NMNAT2: variants seen among roughly 807,000 people sequenced by gnomAD.
The protein encoded by NMNAT2 is nicotinamide/nicotinic acid mononucleotide adenylyltransferase 2.
In NMNAT2, 11 loss-of-function variants were observed where a neutral mutation model predicts 41.6. That is an observed-to-expected ratio of 0.26 (90% CI 0.17 to 0.44). The LOEUF is 0.44. NMNAT2 is among the 20% of genes least tolerant of loss of function. The pLI is 1.00. For synonymous variants in NMNAT2, 148 were observed against 151.2 expected (o/e 0.98, Z 0.16); for missense variants, 288 against 407.7 (o/e 0.71, Z 2.53).
intron 1 of NMNAT2, among the ~76,000 whole-genome samples, chr1:183,411,954 G>T (rs1258731482): frequency 6.6e-6 from 1 of 152,128 alleles, no homozygotes; most frequent in Non-Finnish European, 1.5e-5. Flanking sequence ...TGGGCTAGGT[G>T]GGGAAGGGCA....
rs2301876 is a variant in NMNAT2, at chr1:183,292,871, G to C, written c.175-14C>G. The C allele has an allele frequency of 0.025, 40,594 of 1,613,432 alleles. 924 individuals are homozygous for C. Among genetic ancestry groups the C allele is most frequent in the South Asian group, 0.079 (7,226 of 90,988 alleles). ...TGACACGAGGCCCTGGGAAGCAACA[G>C]AGCAATCATTGGGAGACTCCCTCCG... On this transcript the variant is annotated splice_polypyrimidine_tract_variant and intron_variant, in intron 2 of 10. Coordinates refer to ENST00000287713, the MANE Select transcript of NMNAT2 (RefSeq NM_015039.4).
At chr1:183,308,973 T>C (rs1190723501) in intron 1 of NMNAT2, among the ~76,000 whole-genome samples, 2 of 152,138 alleles carry the variant, frequency 1.3e-5, no homozygotes, top group Non-Finnish European at 2.9e-5. Context: ...AGAAAAGGCC[T>C]GGAAAGCCCT....
intron 10 of NMNAT2, among the ~76,000 whole-genome samples, chr1:183,254,351 C>A (rs1446043005): frequency 6.6e-6 from 1 of 152,134 alleles, no homozygotes; most frequent in Non-Finnish European, 1.5e-5. Context: ...TGTTGCGCAT[C>A]TTTTTATGCA....
intron 1 of NMNAT2, among the ~76,000 whole-genome samples, chr1:183,346,706 T>G (rs1175346868): frequency 2.0e-5 from 3 of 152,186 alleles, no homozygotes; most frequent in Non-Finnish European, 4.4e-5. Context: ...CCTCAGCCCT[T>G]TTTTGTCTGT....
chr1:183,273,089 C>T (rs1661025696), intron 8 of NMNAT2, among the ~76,000 whole-genome samples: 1 of 152,156 alleles, frequency 6.6e-6, no homozygotes, highest in Non-Finnish European at 1.5e-5. Context: ...CAAGTTTTGG[C>T]CAATCAATGT....
At chr1:183,304,915 C>A in intron 1 of NMNAT2, 1 of 1,402,792 alleles carries the variant, frequency 7.1e-7, no homozygotes, top group Non-Finnish European at 9.4e-7. Flanking sequence ...TATGACCCTC[C>A]CTTCCATAAC....
intron 1 of NMNAT2, among the ~76,000 whole-genome samples, chr1:183,315,728 C>T (rs1416950016): frequency 6.6e-6 from 1 of 150,612 alleles, no homozygotes; most frequent in Non-Finnish European, 1.5e-5. Context: ...TTGCAGTGAG[C>T]CGAGGTCATG....
intron 10 of NMNAT2, among the ~76,000 whole-genome samples, chr1:183,255,035 T>G (rs546085264): frequency 1.3e-5 from 2 of 152,360 alleles, no homozygotes; most frequent in South Asian, 4.1e-4. Context: ...CTTCTGTTTT[T>G]GTTTACTGTT....
rs144064900 is a variant in NMNAT2 at position 183,301,627 on chromosome 1, C to G, written c.86-7834G>C. On this transcript the variant is annotated intron_variant, in intron 1 of 10. Coordinates refer to ENST00000287713, the MANE Select transcript of NMNAT2 (RefSeq NM_015039.4). ...CGTTGCCACATCCTGTCCTCAGGACCCTGAGGGTCCACTGTGTCTCATGGC... is the reference window on the plus strand; with the variant it reads ...CGTTGCCACATCCTGTCCTCAGGACGCTGAGGGTCCACTGTGTCTCATGGC... Among the ~76,000 whole-genome samples the G allele has an allele frequency of 2.2e-3, 331 of 152,300 alleles. 4 individuals carry two copies. Among genetic ancestry groups the G allele is most frequent in the African/African-American group, 7.6e-3 (314 of 41,568 alleles).
At chr1:183,302,336 C>CT (rs1208282918) in intron 1 of NMNAT2, among the ~76,000 whole-genome samples, 3 of 152,144 alleles carry the variant, frequency 2.0e-5, no homozygotes, top group African/African-American at 7.2e-5. Flanking sequence ...ACATTAAGTG[C>CT]TATAGGACTT....
chr1:183,417,629 C>G (rs1649293154), intron 1 of NMNAT2, among the ~76,000 whole-genome samples: 1 of 152,204 alleles, frequency 6.6e-6, no homozygotes, highest in Non-Finnish European at 1.5e-5. Context: ...AAACACTGGT[C>G]CCTGGGCCGC....
In NMNAT2 at chr1:183,249,755, A is replaced by G. The variant is rs2102266105; in HGVS notation, c.*2886T>C. On this transcript the variant is annotated 3_prime_UTR_variant, in exon 11 of 11. Transcript: ENST00000287713. ...TGTTTGGGGGGTAGGGGGTGCGGCG[A>G]TGGGAATGGATGATTCTATCCAAAA... 1 of 146,956 alleles carries G rather than the reference A, an allele frequency of 6.8e-6. No individual in the cohort carries two copies. The highest frequency in any genetic ancestry group is 2.0e-4 in the East Asian group (1 of 5,044). 9.1% of individuals were successfully genotyped at this position (146,956 alleles called of 1,614,324 possible).
chr1:183,413,670 G>C (rs1471272907), intron 1 of NMNAT2, among the ~76,000 whole-genome samples: 5 of 134,824 alleles, frequency 3.7e-5, no homozygotes, highest in African/African-American at 8.5e-5. Context: ...GCAGTGGCGC[G>C]ATCTCGGCTC....
chr1:183,270,911 T>G (rs932139776), intron 8 of NMNAT2, among the ~76,000 whole-genome samples: 1 of 152,156 alleles, frequency 6.6e-6, no homozygotes. Context: ...TGGGATTTCT[T>G]CTGGAGTGGC....
intron 8 of NMNAT2, among the ~76,000 whole-genome samples, chr1:183,274,670 G>A (rs1558113048): frequency 1.3e-5 from 2 of 148,572 alleles, no homozygotes; most frequent in Non-Finnish European, 3.0e-5. Flanking sequence ...AGTGGCTCAG[G>A]TTTGTAATCC....
At chr1:183,407,442 CT>C in intron 1 of NMNAT2, among the ~76,000 whole-genome samples, 2 of 151,940 alleles carry the variant, frequency 1.3e-5, no homozygotes, top group Non-Finnish European at 2.9e-5. Context: ...TTCCTAAATG[CT>C]TGTCTTTTTT....
At chr1:183,266,573 A>T (rs985524617) in intron 8 of NMNAT2, 2 of 153,364 alleles carry the variant, frequency 1.3e-5, no homozygotes, top group African/African-American at 4.8e-5. Context: ...TCGTTTTATA[A>T]GACTGGTATG....
At chr1:183,274,520 C>G (rs1469418352) in intron 8 of NMNAT2, among the ~76,000 whole-genome samples, 1 of 151,602 alleles carries the variant, frequency 6.6e-6, no homozygotes, top group Non-Finnish European at 1.5e-5. Context: ...ACCATGTTGC[C>G]CAGGGTGGTC....
chr1:183,289,590 C>G (rs1049530845), intron 4 of NMNAT2, among the ~76,000 whole-genome samples: 4 of 152,216 alleles, frequency 2.6e-5, no homozygotes, highest in Non-Finnish European at 5.9e-5. Context: ...GCATCAGACA[C>G]CATCTGCCTG....
Sources: allele counts gnomAD v4.1 joint callset (sites outside exome capture counted in the v4.1 genomes callset), GRCh38; gene constraint gnomAD v4.1.1; transcripts MANE v1.5; gene names NCBI Gene and HGNC (gene_info 2026-07-23, HGNC 2026-07-21).